The following PHETA2 variants were observed in gnomAD, a reference collection of about 807,000 sequenced individuals.
PHETA2 encodes sesquipedalian-2.
For synonymous variants in PHETA2, 133 were observed against 142.9 expected (o/e 0.93, Z 0.50); for missense variants, 321 against 341.3 (o/e 0.94, Z 0.47).
chr22:42,077,279 G>C lies in PHETA2; in HGVS notation c.-14-1G>C. 6.6e-7 allele frequency: 1 copy of C among 1,517,942 alleles called. No homozygotes were observed. Among genetic ancestry groups the C allele is most frequent in the Non-Finnish European group, 8.8e-7 (1 of 1,134,152 alleles). 94.0% of individuals were successfully genotyped at this position (1,517,942 alleles called of 1,614,324 possible). On this transcript the variant is annotated splice_acceptor_variant, in intron 2 of 2. Transcript: ENST00000321753. LOFTEE classifies it low-confidence loss of function (5UTR_SPLICE). ...CTGCTGCCATCTCTCTTGCCTCACA[G>C]TTCCCGTGGGAGCCATGAAGCTGAA...
Position 42,078,156 on chromosome 22 carries a change from G to T in PHETA2, c.*83G>T. 1 of 1,430,422 alleles carries T rather than the reference G, an allele frequency of 7.0e-7. No homozygotes were observed. Among genetic ancestry groups the T allele is most frequent in the South Asian group, 1.5e-5 (1 of 67,084 alleles). The allele number at this position is 1,430,422 out of a possible 1,614,324, so 88.6% of individuals were successfully genotyped here. A position where few individuals can be genotyped will look rare whatever the true frequency, so the allele number is the denominator to read the frequency against. The stretch of plus-strand genomic sequence containing the variant: ...TACCCATTTCCAAGGTTGCGTTTTG[G>T]GAGGGGACATGGGTTCTCTCCTTCC... On this transcript the variant is annotated 3_prime_UTR_variant, in exon 3 of 3. Transcript: ENST00000321753.
Position 42,077,574 on chromosome 22 carries a change from CT to C in PHETA2, c.282del (p.Gly95GlufsTer19). On this transcript the variant is annotated frameshift_variant, in exon 3 of 3. Coordinates refer to ENST00000321753, the MANE Select transcript of PHETA2 (RefSeq NM_001002034.3). LOFTEE classifies it low-confidence loss of function (END_TRUNC). ...GCCTTTGCCATCTGCTTTGATGCCC[CT>C]GGAGTGCGCCCACACCTGCTGGCCG... is the stretch of plus-strand genomic sequence containing the variant. The part of the protein sequence containing the change: ...EFAFAICFDA[P>X]GVRPHLLAAE... 6.2e-7 allele frequency: 1 copy of C among 1,614,164 alleles called. No homozygotes were observed. The highest frequency in any genetic ancestry group is 1.3e-5 in the African/African-American group (1 of 75,068).
intron 2 of PHETA2, among the ~76,000 whole-genome samples, chr22:42,077,025 T>C (rs539734364): frequency 6.6e-6 from 1 of 152,178 alleles, no homozygotes; most frequent in Non-Finnish European, 1.5e-5. Context: ...TCCTGTCTGA[T>C]GCAATCTCGT....
rs1392057325 is a variant in PHETA2, at chr22:42,078,626, T to G, written c.*553T>G. On this transcript the variant is annotated 3_prime_UTR_variant, in exon 3 of 3. Coordinates refer to ENST00000321753, the MANE Select transcript of PHETA2 (RefSeq NM_001002034.3). ...TGGGATCCTCACTCAGCAGTCTGGGTAGGGCCCTTTGAGGCAGAGGGTCTT... is the reference window on the plus strand; with the variant it reads ...TGGGATCCTCACTCAGCAGTCTGGGGAGGGCCCTTTGAGGCAGAGGGTCTT... 1.2e-5 allele frequency: 2 copies of G among 167,646 alleles called. No individual in the cohort carries two copies. The highest frequency in any genetic ancestry group is 4.8e-5 in the African/African-American group (2 of 41,404). The allele number at this position is 167,646 out of a possible 1,614,324, so 10.4% of individuals were successfully genotyped here. A position where few individuals can be genotyped will look rare whatever the true frequency, so the allele number is the denominator to read the frequency against.
At position 42,077,284 on chromosome 22, in the gene PHETA2, C is replaced by T. The variant is rs74337819; in HGVS notation, c.-10C>T. ...GCCATCTCTCTTGCCTCACAGTTCC[C>T]GTGGGAGCCATGAAGCTGAACGAGA... is the stretch of plus-strand genomic sequence containing the variant. On this transcript the variant is annotated 5_prime_UTR_variant, in exon 3 of 3. Coordinates refer to ENST00000321753, the MANE Select transcript of PHETA2 (RefSeq NM_001002034.3). 7,307 of 1,519,662 alleles carry T rather than the reference C, an allele frequency of 4.8e-3. 309 individuals carry two copies. The African/African-American group carries it at 0.089, about 18-fold the overall frequency. 94.1% of individuals were successfully genotyped at this position (1,519,662 alleles called of 1,614,324 possible).
intron 2 of PHETA2, among the ~76,000 whole-genome samples, chr22:42,076,581 C>T (rs1429865022): frequency 1.3e-5 from 2 of 152,062 alleles, no homozygotes; most frequent in Admixed American, 6.6e-5. Context: ...TGTGAGCCAC[C>T]GCACCCCACC....
Position 42,077,735 on chromosome 22 carries a change from T to C in PHETA2, c.442T>C (p.Ser148Pro). ...CCAGAGCCTGGCTTTGCAACGCCGC[T>C]CATCCTGGAAGTCTGTTGCCAGCCG... Reference protein sequence around the residue: ...ARQSLALQRRSSWKSVASRCK... With the variant: ...ARQSLALQRRPSWKSVASRCK... The change falls in exon 3 of 3, where the codon TCA (serine) becomes CCA (proline). Residue 148 changes from serine (S) to proline (P), a missense_variant. Physicochemically the swap from Ser to Pro is moderately conservative, Grantham distance 74. Transcript: ENST00000321753. 1.2e-6 allele frequency: 2 copies of C among 1,613,862 alleles called. No individual in the cohort carries two copies. Among genetic ancestry groups the C allele is most frequent in the African/African-American group, 2.7e-5 (2 of 75,072 alleles).
rs778350757 is a variant in PHETA2 at position 42,077,247 on chromosome 22, C to G, written c.-14-33C>G. On this transcript the variant is annotated intron_variant, in intron 2 of 2. Transcript: ENST00000321753. ...CAGGAGGGCACGGAACCACCTCCCT[C>G]TCTGATCTGCTGCCATCTCTCTTGC... 64 of 1,508,558 alleles carry G rather than the reference C, an allele frequency of 4.2e-5. No individual in the cohort carries two copies. The East Asian group carries it at 8.9e-4, about 21-fold the overall frequency. The allele number at this position is 1,508,558 out of a possible 1,614,324, so 93.4% of individuals were successfully genotyped here.
Position 42,078,004 on chromosome 22 carries a change from G to A in PHETA2, c.711G>A (p.Glu237=). 1 of 1,611,416 alleles carries A rather than the reference G, an allele frequency of 6.2e-7. No individual in the cohort carries two copies. Among genetic ancestry groups the A allele is most frequent in the Non-Finnish European group, 8.5e-7 (1 of 1,179,028 alleles). The change falls in exon 3 of 3, where the codon GAG becomes GAA. Residue 237 remains glutamate, a synonymous_variant. Coordinates refer to ENST00000321753, the MANE Select transcript of PHETA2 (RefSeq NM_001002034.3). Reference sequence around the variant, plus strand: ...ACTGGTATGGCCAGGAGATCGTGGAGCTGCGGCAGTGTTGGCAGAAGAGGG... The same window carrying A: ...ACTGGTATGGCCAGGAGATCGTGGAACTGCGGCAGTGTTGGCAGAAGAGGG... The part of the protein sequence containing the change: ...LHDWYGQEIV[E]LRQCWQKRAQ...
chr22:42,077,359 C>T lies in PHETA2; in HGVS notation c.66C>T (p.Gly22=). 1.3e-6 allele frequency: 2 copies of T among 1,584,636 alleles called. No homozygotes were observed. The highest frequency in any genetic ancestry group is 1.2e-5 in the South Asian group (1 of 85,626). Residue 22 remains glycine, a synonymous_variant, in exon 3 of 3, where the codon GGC becomes GGT. Coordinates refer to ENST00000321753, the MANE Select transcript of PHETA2 (RefSeq NM_001002034.3). ...GCGACTCCCCAGCGGACCACATGGG[C>T]TTCCTGCGCACCTGGGGGGGCCCAG... ...ALSDSPADHM[G]FLRTWGGPGT...
At chr22:42,076,891 G>A (rs1373492081) in intron 2 of PHETA2, among the ~76,000 whole-genome samples, 1 of 152,160 alleles carries the variant, frequency 6.6e-6, no homozygotes, top group African/African-American at 2.4e-5. Flanking sequence ...AGTTGGAGTT[G>A]AGAGGACCCC....
rs1927439352 is a variant in PHETA2, at chr22:42,078,482, A to G, written c.*409A>G. 1 of 190,678 alleles carries G rather than the reference A, an allele frequency of 5.2e-6. No individual in the cohort carries two copies. The highest frequency in any genetic ancestry group is 2.4e-5 in the African/African-American group (1 of 42,338). 11.8% of individuals were successfully genotyped at this position (190,678 alleles called of 1,614,324 possible). On this transcript the variant is annotated 3_prime_UTR_variant, in exon 3 of 3. Coordinates refer to ENST00000321753, the MANE Select transcript of PHETA2 (RefSeq NM_001002034.3). ...CCTGGGGAGTCTCCTGTGCACTTAA[A>G]TCCGAGGTAGGCTGCAGTATCGGCT...
At position 42,077,790 on chromosome 22, in the gene PHETA2, C is replaced by G; in HGVS notation, c.497C>G (p.Ala166Gly). 1.2e-6 allele frequency: 2 copies of G among 1,612,644 alleles called. No homozygotes were observed. The highest frequency in any genetic ancestry group is 1.1e-5 in the South Asian group (1 of 91,052). ...RCKPQAPNHRAAGLENGHCLS... is the reference protein window; with the variant it reads ...RCKPQAPNHRGAGLENGHCLS... ...AAGCCCCAGGCTCCTAACCACCGAG[C>G]TGCGGGCCTGGAGAATGGCCACTGC... Residue 166 changes from alanine to glycine, a missense_variant, in exon 3 of 3, where the codon GCT becomes GGT. Physicochemically the swap from Ala to Gly is moderately conservative, Grantham distance 60 (BLOSUM62 0). Coordinates refer to ENST00000321753, the MANE Select transcript of PHETA2 (RefSeq NM_001002034.3).
intron 2 of PHETA2, 69 bp from the exon 3 acceptor site, chr22:42,077,211 G>A (rs778258667): frequency 6.3e-5 from 91 of 1,450,788 alleles, no homozygotes; most frequent in Middle Eastern, 2.6e-4. Flanking sequence ...TCTGGAGCCG[G>A]TGCTGTTCCC....
rs1443105111 is a variant in PHETA2 at position 42,077,757 on chromosome 22, GC to G, written c.466del (p.Arg156AlafsTer55). On this transcript the variant is annotated frameshift_variant, in exon 3 of 3. Coordinates refer to ENST00000321753, the MANE Select transcript of PHETA2 (RefSeq NM_001002034.3). LOFTEE classifies it low-confidence loss of function (END_TRUNC). ...CGCTCATCCTGGAAGTCTGTTGCCA[GC>G]CGCTGTAAGCCCCAGGCTCCTAACC... ...QRRSSWKSVA[S>X]RCKPQAPNHR... 1 of 1,613,210 alleles carries G rather than the reference GC, an allele frequency of 6.2e-7. No homozygotes were observed. Among genetic ancestry groups the G allele is most frequent in the African/African-American group, 1.3e-5 (1 of 75,084 alleles).
Position 42,077,376 on chromosome 22 carries a change from G to C in PHETA2, c.83G>C (p.Gly28Ala), listed in dbSNP as rs749276957. ...CACATGGGCTTCCTGCGCACCTGGGGGGGCCCAGGGACCCCACCGACCCCC... is the reference window on the plus strand; with the variant it reads ...CACATGGGCTTCCTGCGCACCTGGGCGGGCCCAGGGACCCCACCGACCCCC... ...ADHMGFLRTW[G>A]GPGTPPTPSG... The change falls in exon 3 of 3, where the codon GGG becomes GCG. Residue 28 changes from glycine (G) to alanine (A), a missense_variant. By Grantham distance (60) the Gly-to-Ala change is moderately conservative (BLOSUM62 0). Coordinates refer to ENST00000321753, the MANE Select transcript of PHETA2 (RefSeq NM_001002034.3). 8.1e-6 allele frequency: 13 copies of C among 1,599,116 alleles called. No homozygotes were observed. Among genetic ancestry groups the C allele is most frequent in the Non-Finnish European group, 9.4e-6 (11 of 1,172,284 alleles).
Position 42,079,390 on chromosome 22 carries a change from A to G in PHETA2, c.*1317A>G. 4.3e-6 allele frequency: 1 copy of G among 234,614 alleles called. No individual in the cohort carries two copies. The highest frequency in any genetic ancestry group is 1.4e-4 in the South Asian group (1 of 7,090). The allele number at this position is 234,614 out of a possible 1,614,324, so 14.5% of individuals were successfully genotyped here. On this transcript the variant is annotated 3_prime_UTR_variant, in exon 3 of 3. Transcript: ENST00000321753. ...TAGCACGGGCCTTTCTCTTATTGCT[A>G]CAGTGTTTTGTACACGGTTAAAACA...
intron 2 of PHETA2, among the ~76,000 whole-genome samples, chr22:42,076,417 C>T (rs1364196799): frequency 6.6e-6 from 1 of 152,130 alleles, no homozygotes; most frequent in Non-Finnish European, 1.5e-5. Flanking sequence ...CTGCCTCAGC[C>T]TCCCGAGTAG....
rs561023433 is a variant in PHETA2 at position 42,077,708 on chromosome 22, C to T, written c.415C>T (p.Arg139Cys). The change falls in exon 3 of 3, where the codon CGC becomes TGC. Residue 139 changes from arginine to cysteine, a missense_variant. Arg to Cys is a radical substitution (Grantham distance 180). Coordinates refer to ENST00000321753, the MANE Select transcript of PHETA2 (RefSeq NM_001002034.3). ...RELESQLQDA[R>C]QSLALQRRSS... ...GTTGGAGAGCCAGTTGCAGGACGCA[C>T]GCCAGAGCCTGGCTTTGCAACGCCG... 4.2e-5 allele frequency: 67 copies of T among 1,614,136 alleles called. 1 individual carries two copies. The South Asian group carries it at 4.4e-4, about 11-fold the overall frequency.
Sources: allele counts gnomAD v4.1 joint callset (sites outside exome capture counted in the v4.1 genomes callset), GRCh38; gene constraint gnomAD v4.1.1; transcripts MANE v1.5; gene names NCBI Gene and HGNC (gene_info 2026-07-23, HGNC 2026-07-21).